LRRTM4: variants seen among roughly 807,000 people sequenced by gnomAD.
LRRTM4 encodes the protein leucine-rich repeat transmembrane neuronal protein 4.
LRRTM4 carries 25 observed loss-of-function variants against 47.6 expected under a neutral mutation model. The observed-to-expected ratio is 0.53, with a 90% CI of 0.38 to 0.73. The LOEUF is 0.73. LRRTM4 is among the 30% of genes least tolerant of loss of function. The probability of loss-of-function intolerance (pLI) is 0.00; values close to 1 mark genes in which losing one functional copy is unlikely to be tolerated. For missense variants in LRRTM4, 638 were observed against 713.4 expected, an observed-to-expected ratio of 0.89 and a Z score of 1.20; for synonymous variants, 311 against 269.5, an observed-to-expected ratio of 1.15 and a Z score of -1.51.
At chr2:77,335,914 A>C (rs900776963) in intron 3 of LRRTM4, among the ~76,000 whole-genome samples, 1 of 152,140 alleles carries the variant, frequency 6.6e-6, no homozygotes, top group African/African-American at 2.4e-5. Context: ...CTCTAGCACA[A>C]GTCCTCAACT....
chr2:77,285,521 C>T (rs938611052), intron 3 of LRRTM4, among the ~76,000 whole-genome samples: 3 of 151,546 alleles, frequency 2.0e-5, no homozygotes, highest in African/African-American at 4.8e-5. Flanking sequence ...GCGGGCAGAT[C>T]GCCTGAGGTC....
intron 3 of LRRTM4, among the ~76,000 whole-genome samples, chr2:77,512,696 C>T (rs1445406100): frequency 2.0e-5 from 3 of 151,988 alleles, no homozygotes; most frequent in Middle Eastern, 3.2e-3. Flanking sequence ...AAATGCAATT[C>T]CTGAGAAGAA....
intron 3 of LRRTM4, among the ~76,000 whole-genome samples, chr2:77,361,559 T>TA (rs1219342323): frequency 6.6e-6 from 1 of 152,196 alleles, no homozygotes; most frequent in Admixed American, 6.5e-5. Flanking sequence ...TGGTCCCACA[T>TA]ATCCTCTTCA....
chr2:77,096,678 A>T (rs1322449563), intron 3 of LRRTM4, among the ~76,000 whole-genome samples: 2 of 151,734 alleles, frequency 1.3e-5, no homozygotes, highest in East Asian at 3.9e-4. Flanking sequence ...GTATTGTGAA[A>T]TCAGTATGAA....
At chr2:76,889,654 CAAG>C (rs1379783108) in intron 3 of LRRTM4, among the ~76,000 whole-genome samples, 4 of 151,960 alleles carry the variant, frequency 2.6e-5, no homozygotes, top group African/African-American at 4.8e-5. Flanking sequence ...ATCCAATTAG[CAAG>C]AAGAAGGAGG....
chr2:77,104,590 A>G (rs1281832301), intron 3 of LRRTM4, among the ~76,000 whole-genome samples: 1 of 152,174 alleles, frequency 6.6e-6, no homozygotes, highest in Non-Finnish European at 1.5e-5. Flanking sequence ...GTGAAAAAAT[A>G]CTAAGTGCTA....
intron 3 of LRRTM4, among the ~76,000 whole-genome samples, chr2:77,038,338 A>C (rs1357745209): frequency 3.8e-3 from 570 of 151,714 alleles, no homozygotes; most frequent in African/African-American, 0.013. Flanking sequence ...TGCTATTAGA[A>C]TTCACTTGAC....
intron 3 of LRRTM4, among the ~76,000 whole-genome samples, chr2:76,911,766 T>A (rs1403629833): frequency 6.6e-6 from 1 of 152,098 alleles, no homozygotes; most frequent in Non-Finnish European, 1.5e-5. Context: ...TCTGATGACA[T>A]GTAATATACA....
intron 3 of LRRTM4, among the ~76,000 whole-genome samples, chr2:77,040,081 G>A (rs942955893): frequency 2.0e-5 from 3 of 151,112 alleles, no homozygotes; most frequent in African/African-American, 7.3e-5. Context: ...AGGCAGCAAA[G>A]TATAATAAAA....
rs140410951 is a variant in LRRTM4 at position 77,304,468 on chromosome 2, C to T, written c.1551+213850G>A. ...GTGGCAAGTGGTCCTCCATCTAGACCACTTCAATGGAACTTCTTTTATCCA... is the reference window on the plus strand; with the variant it reads ...GTGGCAAGTGGTCCTCCATCTAGACTACTTCAATGGAACTTCTTTTATCCA... On this transcript the variant is annotated intron_variant, in intron 3 of 3. Coordinates refer to ENST00000409884, the MANE Select transcript of LRRTM4 (RefSeq NM_001134745.3). Among the ~76,000 whole-genome samples, 114 of 152,008 alleles carry T rather than the reference C, an allele frequency of 7.5e-4. 3 individuals carry two copies. Among genetic ancestry groups the T allele is most frequent in the African/African-American group, 2.7e-3 (112 of 41,478 alleles).
chr2:76,852,223 A>G (rs1403197291), intron 3 of LRRTM4, among the ~76,000 whole-genome samples: 1 of 152,090 alleles, frequency 6.6e-6, no homozygotes, highest in Non-Finnish European at 1.5e-5. Context: ...GTCTTCCACA[A>G]CTTCTGTTCT....
At chr2:77,352,965 G>A (rs995111008) in intron 3 of LRRTM4, among the ~76,000 whole-genome samples, 1 of 151,850 alleles carries the variant, frequency 6.6e-6, no homozygotes, top group African/African-American at 2.4e-5. Flanking sequence ...AAAATTTATG[G>A]CTAATTTTAT....
At chr2:77,321,942 C>A (rs966002739) in intron 3 of LRRTM4, among the ~76,000 whole-genome samples, 1 of 152,144 alleles carries the variant, frequency 6.6e-6, no homozygotes, top group Admixed American at 6.5e-5. Flanking sequence ...TTTCTACATT[C>A]TCTTGAGAGG....
chr2:76,764,347 T>G (rs1673371776), intron 3 of LRRTM4, among the ~76,000 whole-genome samples: 1 of 152,148 alleles, frequency 6.6e-6, no homozygotes, highest in Non-Finnish European at 1.5e-5. Context: ...TTATATAAAC[T>G]GAGGCAGGGC....
intron 3 of LRRTM4, among the ~76,000 whole-genome samples, chr2:76,957,631 T>G (rs890766296): frequency 1.2e-4 from 18 of 151,764 alleles, no homozygotes; most frequent in African/African-American, 4.3e-4. Context: ...GATTATCATA[T>G]TTGACTGTCC....
chr2:76,958,798 T>A (rs890473908), intron 3 of LRRTM4, among the ~76,000 whole-genome samples: 4 of 151,782 alleles, frequency 2.6e-5, no homozygotes, highest in Non-Finnish European at 4.4e-5. Flanking sequence ...ACAAAATTAC[T>A]GTAAAATCTG....
chr2:77,044,160 T>C (rs868833313), intron 3 of LRRTM4, among the ~76,000 whole-genome samples: 2 of 151,818 alleles, frequency 1.3e-5, no homozygotes, highest in African/African-American at 2.4e-5. Flanking sequence ...ATATGTTACA[T>C]AGTGCACCCA....
chr2:77,160,840 T>C (rs1672706530), intron 3 of LRRTM4, among the ~76,000 whole-genome samples: 1 of 152,150 alleles, frequency 6.6e-6, no homozygotes, highest in Non-Finnish European at 1.5e-5. Context: ...TGCTAAGATA[T>C]TTTCCTTTCT....
chr2:77,044,534 A>T (rs925074495), intron 3 of LRRTM4, among the ~76,000 whole-genome samples: 3 of 151,656 alleles, frequency 2.0e-5, no homozygotes, highest in Non-Finnish European at 3.0e-5. Flanking sequence ...TGCAGATATT[A>T]GTCAAGGGTG....
Sources: gnomAD v4.1 joint callset for allele counts (sites outside exome capture counted in the v4.1 genomes callset) on GRCh38, gnomAD v4.1.1 for gene constraint, MANE v1.5 for transcripts, NCBI Gene and HGNC (gene_info 2026-07-23, HGNC 2026-07-21) for gene names.